The following PHF11 variants were observed in gnomAD, a reference collection of about 807,000 sequenced individuals.
The protein encoded by PHF11 is BRCA1 C-terminus-associated protein.
PHF11 carries 38 observed loss-of-function variants against 40.5 expected under a neutral mutation model. That is an observed-to-expected ratio of 0.94 (90% CI 0.72 to 1.23). The LOEUF is 1.23. Among genes scored for constraint, PHF11 ranks in the 50% most tolerant of loss-of-function variants. PHF11 has a pLI of 0.00. For synonymous variants in PHF11, 127 were observed against 138.2 expected (o/e 0.92, Z 0.57); for missense variants, 369 against 392.4 (o/e 0.94, Z 0.50).
chr13:49,522,088 TC>T lies in PHF11; in HGVS notation c.552del (p.Ser185GlnfsTer11). ...VKRKRGRKKP[L>X]SGNHVQPPET... ...AGAAAAAGAGGAAGGAAGAAACCCC[TC>T]TCAGGCAATCATGTACAGGTAATTT... On this transcript the variant is annotated frameshift_variant, in exon 6 of 10. Transcript: ENST00000378319. LOFTEE classifies it high-confidence loss of function. 6.4e-7 allele frequency: 1 copy of T among 1,555,826 alleles called. No individual in the cohort carries two copies. The highest frequency in any genetic ancestry group is 8.9e-7 in the Non-Finnish European group (1 of 1,128,328).
chr13:49,528,791 T>C lies in PHF11; in HGVS notation c.*126T>C, dbSNP rs1321736236. ...CCTCTTGGCCTCAGCAGCTCTTCCC[T>C]GTTCTTACTGGTTGACATTTTGATC... On this transcript the variant is annotated 3_prime_UTR_variant, in exon 10 of 10. Coordinates refer to ENST00000378319, the MANE Select transcript of PHF11 (RefSeq NM_001040443.3). The C allele has an allele frequency of 7.8e-6, 5 of 640,226 alleles. No homozygotes were observed. Among genetic ancestry groups the C allele is most frequent in the Non-Finnish European group, 1.3e-5 (5 of 373,098 alleles). 39.7% of individuals were successfully genotyped at this position (640,226 alleles called of 1,614,324 possible).
At position 49,513,259 on chromosome 13, in the gene PHF11, A is replaced by G. The variant is rs1594211676; in HGVS notation, c.324+93A>G. ...TCTATTTGACTGATACACCAGGGATAGAGAAGCATCTTGGAGAGCTGGAAG... is the reference window on the plus strand; with the variant it reads ...TCTATTTGACTGATACACCAGGGATGGAGAAGCATCTTGGAGAGCTGGAAG... On this transcript the variant is annotated intron_variant, in intron 3 of 9. Transcript: ENST00000378319. 39 of 628,002 alleles carry G rather than the reference A, an allele frequency of 6.2e-5. No homozygotes were observed. The East Asian group carries it at 1.2e-3, about 19-fold the overall frequency. 38.9% of individuals were successfully genotyped at this position (628,002 alleles called of 1,614,324 possible).
intron 1 of PHF11, chr13:49,497,137 G>A (rs1958826354): frequency 3.1e-6 from 4 of 1,289,396 alleles, no homozygotes; most frequent in Non-Finnish European, 4.0e-6. Context: ...ACCACAAAAC[G>A]TCACACGTAA....
At position 49,518,049 on chromosome 13, in the gene PHF11, C is replaced by A; in HGVS notation, c.356C>A (p.Thr119Asn). ...AAATTTTGTCATAAAAGAGGAGCCA[C>A]CGTGGGATGTGATTTAAAAAACTGT... ...KCKFCHKRGATVGCDLKNCNK... is the reference protein window; with the variant it reads ...KCKFCHKRGANVGCDLKNCNK... Residue 119 changes from threonine to asparagine, a missense_variant, in exon 4 of 10, where the codon ACC (threonine) becomes AAC (asparagine). Transcript: ENST00000378319. The A allele has an allele frequency of 6.3e-7, 1 of 1,583,204 alleles. No individual in the cohort carries two copies. The highest frequency in any genetic ancestry group is 8.7e-7 in the Non-Finnish European group (1 of 1,155,396).
At chr13:49,516,088 G>C (rs990586702) in intron 3 of PHF11, among the ~76,000 whole-genome samples, 3 of 152,066 alleles carry the variant, frequency 2.0e-5, no homozygotes, top group African/African-American at 4.8e-5. Context: ...CTATTATTCA[G>C]ATCTCAGCTT....
chr13:49,502,975 C>T (rs1469835388), intron 1 of PHF11, among the ~76,000 whole-genome samples: 1 of 152,090 alleles, frequency 6.6e-6, no homozygotes, highest in Middle Eastern at 3.2e-3. Flanking sequence ...CCACCCACCT[C>T]GGCCTCCCAA....
Position 49,518,132 on chromosome 13 carries a change from G to T in PHF11, c.439G>T (p.Gly147Ter). ...KKDDAVPQSDGVRGIYKLLCQ... is the reference protein window; with the variant it reads ...KKDDAVPQSD ...GGACGACGCAGTTCCACAGTCTGAT[G>T]GAGTTCGAGGAATTTATAAGTATTT... The change falls in exon 4 of 10, where the codon GGA (glycine) becomes TGA (stop). Residue 147 changes from glycine to a stop codon, truncating the protein, a stop_gained. Transcript: ENST00000378319. LOFTEE classifies it high-confidence loss of function. The T allele has an allele frequency of 6.2e-7, 1 of 1,601,322 alleles. No homozygotes were observed. Among genetic ancestry groups the T allele is most frequent in the Non-Finnish European group, 8.5e-7 (1 of 1,172,718 alleles).
At chr13:49,497,005 G>C (rs2139021025) in intron 1 of PHF11, 1 of 1,181,642 alleles carries the variant, frequency 8.5e-7, no homozygotes, top group East Asian at 5.8e-5. Flanking sequence ...AGCTAATTTT[G>C]TATTTTTAGT....
chr13:49,496,964 G>C, intron 1 of PHF11: 2 of 802,054 alleles, frequency 2.5e-6, no homozygotes, highest in Non-Finnish European at 3.4e-6. Flanking sequence ...CTCCCGAGTG[G>C]ATGGGATTAC....
chr13:49,510,076 G>A (rs1222678907), intron 2 of PHF11, among the ~76,000 whole-genome samples: 1 of 152,156 alleles, frequency 6.6e-6, no homozygotes, highest in African/African-American at 2.4e-5. Context: ...CAGGGCTAGA[G>A]TGCAGTGGCA....
Position 49,528,784 on chromosome 13 carries a change from T to A in PHF11, c.*119T>A, listed in dbSNP as rs1447518919. ...GTCGTCTCCTCTTGGCCTCAGCAGC[T>A]CTTCCCTGTTCTTACTGGTTGACAT... On this transcript the variant is annotated 3_prime_UTR_variant, in exon 10 of 10. Transcript: ENST00000378319. 4.6e-6 allele frequency: 3 copies of A among 656,682 alleles called. No homozygotes were observed. The highest frequency in any genetic ancestry group is 3.6e-5 in the African/African-American group (2 of 55,350). 40.7% of individuals were successfully genotyped at this position (656,682 alleles called of 1,614,324 possible).
Position 49,513,139 on chromosome 13 carries a change from G to A in PHF11, c.297G>A (p.Lys99=), listed in dbSNP as rs1285867540. Residue 99 remains lysine (K), a synonymous_variant, in exon 3 of 10, where the codon AAG becomes AAA. Coordinates refer to ENST00000378319, the MANE Select transcript of PHF11 (RefSeq NM_001040443.3). ...PDRSFDVESV[K]KEIQRGRKLK... is the part of the protein sequence containing the mutation. ...GAAGTTTTGATGTGGAATCAGTAAAGAAAGAAATCCAGAGAGGAAGGAAGT... is the reference window on the plus strand; with the variant it reads ...GAAGTTTTGATGTGGAATCAGTAAAAAAAGAAATCCAGAGAGGAAGGAAGT... 2 of 1,577,150 alleles carry A rather than the reference G, an allele frequency of 1.3e-6. No individual in the cohort carries two copies.
chr13:49,509,595 C>T (rs372786924), intron 2 of PHF11, among the ~76,000 whole-genome samples: 2 of 152,128 alleles, frequency 1.3e-5, no homozygotes, highest in African/African-American at 4.8e-5. Flanking sequence ...ATAATCCCCA[C>T]GTGTCAAGGG....
At position 49,524,072 on chromosome 13, in the gene PHF11, G is replaced by C; in HGVS notation, c.638-13G>C. The C allele has an allele frequency of 6.2e-7, 1 of 1,600,608 alleles. No homozygotes were observed. Among genetic ancestry groups the C allele is most frequent in the Non-Finnish European group, 8.5e-7 (1 of 1,173,478 alleles). ...AAGACTATTTCCTTCTCAAATGTTT[G>C]TCTTATTCTTAGATGCAACTGTGAA... On this transcript the variant is annotated splice_polypyrimidine_tract_variant and intron_variant, in intron 7 of 9. Coordinates refer to ENST00000378319, the MANE Select transcript of PHF11 (RefSeq NM_001040443.3).
intron 9 of PHF11, among the ~76,000 whole-genome samples, 163 bp downstream of exon 9, chr13:49,526,621 G>GCCCCCC (rs1222135505): frequency 6.2e-5 from 9 of 145,784 alleles, no homozygotes; most frequent in Non-Finnish European, 9.0e-5. Context: ...CCGCCCACCT[G>GCCCCCC]CCCACACACA....
At chr13:49,496,174 C>T (rs1253492470) in intron 1 of PHF11, 79 bp downstream of exon 1, 2 of 916,518 alleles carry the variant, frequency 2.2e-6, no homozygotes, top group African/African-American at 3.5e-5. Flanking sequence ...GCCTTCCGGT[C>T]GTGGCCGCAT....
rs567121377 is a variant in PHF11, at chr13:49,505,730, C to T, written c.95-905C>T. 2.6e-5 allele frequency among the ~76,000 whole-genome samples: 4 copies of T among 152,240 alleles called. No homozygotes were observed. The South Asian group carries it at 6.2e-4, about 24-fold the overall frequency. On this transcript the variant is annotated intron_variant, in intron 1 of 9. Transcript: ENST00000378319. Reference sequence around the variant, plus strand: ...GGCTTTCTTCTCCCTCTCTCTGCCTCTTGCCTTTTCTTCCTACCTCTTCTT... The same window carrying T: ...GGCTTTCTTCTCCCTCTCTCTGCCTTTTGCCTTTTCTTCCTACCTCTTCTT...
chr13:49,507,628 A>G (rs1445531439), intron 2 of PHF11, among the ~76,000 whole-genome samples: 2 of 152,368 alleles, frequency 1.3e-5, no homozygotes, highest in Middle Eastern at 3.4e-3. Context: ...ACCAAACATC[A>G]TAGCTTAGTC....
chr13:49,513,895 C>A (rs531712419), intron 3 of PHF11, among the ~76,000 whole-genome samples: 1 of 152,036 alleles, frequency 6.6e-6, no homozygotes, highest in African/African-American at 2.4e-5. Context: ...ATAGGGTGGC[C>A]GCAGGCAGCA....
Sources: gnomAD v4.1 joint callset for allele counts (sites outside exome capture counted in the v4.1 genomes callset) on GRCh38, gnomAD v4.1.1 for gene constraint, MANE v1.5 for transcripts, NCBI Gene and HGNC (gene_info 2026-07-23, HGNC 2026-07-21) for gene names.